Variants in ANTXR1 observed in about 807,000 individuals in gnomAD.
The protein encoded by ANTXR1 is ANTXR cell adhesion molecule 1.
A neutral mutation model predicts 78.1 loss-of-function variants in ANTXR1; 19 were observed. The ratio of observed to expected loss-of-function variants is 0.24; its 90% confidence interval spans 0.17 to 0.36. The LOEUF is 0.36. ANTXR1 is among the 10% of genes least tolerant of loss of function. The pLI is 1.00. For synonymous variants in ANTXR1, 273 were observed against 260.5 expected, an observed-to-expected ratio of 1.05 and a Z score of -0.46; for missense variants, 518 against 718.6, an observed-to-expected ratio of 0.72 and a Z score of 3.19.
At chr2:69,210,009 A>G (rs1278085858) in intron 17 of ANTXR1, among the ~76,000 whole-genome samples, 1 of 152,322 alleles carries the variant, frequency 6.6e-6, no homozygotes, top group Non-Finnish European at 1.5e-5. Flanking sequence ...AAGCCGGGAG[A>G]TCAGTGACAA....
intron 10 of ANTXR1, among the ~76,000 whole-genome samples, chr2:69,120,368 A>G (rs1672303987): frequency 6.6e-6 from 1 of 152,208 alleles, no homozygotes; most frequent in Non-Finnish European, 1.5e-5. Flanking sequence ...GGACATCTTG[A>G]AAATAATAAT....
intron 9 of ANTXR1, among the ~76,000 whole-genome samples, chr2:69,100,194 C>T (rs770832921): frequency 9.9e-5 from 15 of 152,164 alleles, no homozygotes; most frequent in Non-Finnish European, 2.1e-4. Context: ...TCTAATGTGT[C>T]CTGGTTTTCA....
intron 1 of ANTXR1, among the ~76,000 whole-genome samples, chr2:69,018,933 T>A (rs1175007560): frequency 6.6e-6 from 1 of 152,202 alleles, no homozygotes; most frequent in Non-Finnish European, 1.5e-5. Context: ...TTAAATCAGC[T>A]GTAGTTGATG....
chr2:69,087,891 A>C (rs1201642909), intron 8 of ANTXR1, among the ~76,000 whole-genome samples: 1 of 152,130 alleles, frequency 6.6e-6, no homozygotes, highest in East Asian at 1.9e-4. Context: ...CAAATCCACC[A>C]ACTGCCATTG....
intron 17 of ANTXR1, among the ~76,000 whole-genome samples, chr2:69,214,578 C>T (rs1675132058): frequency 6.6e-6 from 1 of 152,194 alleles, no homozygotes; most frequent in Non-Finnish European, 1.5e-5. Context: ...AACTCCAACC[C>T]CACCCTGTGA....
At chr2:69,226,019 T>G (rs1242251125) in intron 17 of ANTXR1, among the ~76,000 whole-genome samples, 1 of 152,122 alleles carries the variant, frequency 6.6e-6, no homozygotes, top group Non-Finnish European at 1.5e-5. Flanking sequence ...GAGTGAGCTG[T>G]TCAGAACTGC....
chr2:69,154,991 C>T (rs1673486689), intron 13 of ANTXR1, among the ~76,000 whole-genome samples: 2 of 152,152 alleles, frequency 1.3e-5, no homozygotes, highest in African/African-American at 4.8e-5. Context: ...GGCACAGGGG[C>T]TGCTATCAGG....
intron 1 of ANTXR1, among the ~76,000 whole-genome samples, chr2:69,019,462 C>T (rs1671116992): frequency 1.3e-5 from 2 of 151,992 alleles, no homozygotes; most frequent in African/African-American, 4.8e-5. Context: ...CTTGGGTTTT[C>T]TGGATATATA....
intron 3 of ANTXR1, among the ~76,000 whole-genome samples, chr2:69,052,521 T>C (rs1369428445): frequency 1.3e-5 from 2 of 152,076 alleles, no homozygotes; most frequent in Admixed American, 1.3e-4. Context: ...TGTTTTCTCT[T>C]CCTGGCTGCT....
intron 16 of ANTXR1, among the ~76,000 whole-genome samples, chr2:69,186,080 C>T (rs1333327146): frequency 6.6e-6 from 1 of 152,158 alleles, no homozygotes; most frequent in East Asian, 1.9e-4. Flanking sequence ...GTACCTGGCT[C>T]ATCCCTTATT....
Position 69,246,854 on chromosome 2 carries a change from ATCTC to A in ANTXR1, c.*1377_*1380del, listed in dbSNP as rs1676033647. On this transcript the variant is annotated 3_prime_UTR_variant, in exon 18 of 18. Transcript: ENST00000303714. ...CTCCTGCATCAGCCTATTCAAAATTATCTCTCTCTCTAGCTTTCCACAAATCCTA... is the reference window on the plus strand; with the variant it reads ...CTCCTGCATCAGCCTATTCAAAATTATCTCTCTAGCTTTCCACAAATCCTA... 1 of 152,152 alleles carries A rather than the reference ATCTC, an allele frequency of 6.6e-6. No homozygotes were observed. The highest frequency in any genetic ancestry group is 1.5e-5 in the Non-Finnish European group (1 of 68,014). The allele number at this position is 152,152 out of a possible 1,614,324, so 9.4% of individuals were successfully genotyped here.
intron 12 of ANTXR1, among the ~76,000 whole-genome samples, chr2:69,141,819 CT>C (rs1227324927): frequency 6.6e-6 from 1 of 152,120 alleles, no homozygotes; most frequent in Non-Finnish European, 1.5e-5. Context: ...GGCATGAAGG[CT>C]TTTTGCCTGG....
Position 69,245,270 on chromosome 2 carries a change from A to C in ANTXR1, c.1480A>C (p.Lys494Gln). ...CAGGGTCAAGAACAACCAGCCAGCC[A>C]AGTACCCACTCAACAACGCCTACCA... The part of the protein sequence containing the change: ...FTRVKNNQPA[K>Q]YPLNNAYHTS... The change falls in exon 18 of 18, where the codon AAG becomes CAG. Residue 494 changes from lysine to glutamine, a missense_variant. Around this residue, in one of 5 missense-constraint regions of ANTXR1, gnomAD observed 192 missense variants for 230.2 expected, o/e 0.83. Coordinates refer to ENST00000303714, the MANE Select transcript of ANTXR1 (RefSeq NM_032208.3). 1.2e-6 allele frequency: 2 copies of C among 1,613,652 alleles called. No homozygotes were observed. The highest frequency in any genetic ancestry group is 1.7e-6 in the Non-Finnish European group (2 of 1,179,934).
intron 10 of ANTXR1, among the ~76,000 whole-genome samples, chr2:69,117,462 C>A (rs11884750): frequency 5.2e-4 from 79 of 152,048 alleles, no homozygotes; most frequent in African/African-American, 1.8e-3. Flanking sequence ...ATGCATGCAC[C>A]TGTGTGTATA....
At chr2:69,029,603 G>A (rs576507444) in intron 1 of ANTXR1, among the ~76,000 whole-genome samples, 1 of 151,810 alleles carries the variant, frequency 6.6e-6, no homozygotes, top group Non-Finnish European at 1.5e-5. Context: ...GTGAGATTCA[G>A]ACTGGCGTTA....
intron 3 of ANTXR1, among the ~76,000 whole-genome samples, chr2:69,066,794 A>G (rs957699142): frequency 6.6e-6 from 1 of 152,210 alleles, no homozygotes; most frequent in Non-Finnish European, 1.5e-5. Flanking sequence ...TGCAAAAGGA[A>G]CACAAAACAA....
intron 1 of ANTXR1, among the ~76,000 whole-genome samples, chr2:69,015,682 A>G (rs1467505511): frequency 6.6e-6 from 1 of 152,156 alleles, no homozygotes; most frequent in Non-Finnish European, 1.5e-5. Flanking sequence ...CTGTAATCTT[A>G]GGTTTAGAGC....
intron 17 of ANTXR1, among the ~76,000 whole-genome samples, chr2:69,242,606 C>T (rs1313634946): frequency 6.6e-6 from 1 of 152,224 alleles, no homozygotes; most frequent in Non-Finnish European, 1.5e-5. Flanking sequence ...CACTCAACCC[C>T]AGGCACCAGC....
intron 17 of ANTXR1, among the ~76,000 whole-genome samples, chr2:69,197,069 G>A (rs948669648): frequency 3.9e-5 from 6 of 152,204 alleles, no homozygotes; most frequent in Non-Finnish European, 5.9e-5. Context: ...CAGGGAACAC[G>A]AGTGTTTTCC....
Sources: allele counts gnomAD v4.1 joint callset (sites outside exome capture counted in the v4.1 genomes callset), GRCh38; gene constraint gnomAD v4.1.1; regional missense constraint gnomAD v4.1.1; transcripts MANE v1.5; gene names NCBI Gene and HGNC (gene_info 2026-07-23, HGNC 2026-07-21).